RALGPS1: variants seen among roughly 807,000 people sequenced by gnomAD.
RALGPS1 encodes ras-specific guanine nucleotide-releasing factor RalGPS1.
Under a neutral mutation model 78.8 loss-of-function variants are expected in RALGPS1, and 19 were observed. The ratio of observed to expected loss-of-function variants is 0.24; its 90% confidence interval spans 0.17 to 0.35. The LOEUF is 0.35. Among genes scored for constraint, RALGPS1 ranks in the 10% least tolerant of loss-of-function variants. The pLI is 1.00. For synonymous variants in RALGPS1, 228 were observed against 256.3 expected, an observed-to-expected ratio of 0.89 and a Z score of 1.06; for missense variants, 454 against 688.3, an observed-to-expected ratio of 0.66 and a Z score of 3.81.
At position 127,222,161 on chromosome 9, in the gene RALGPS1, A is replaced by G. The variant is rs1168865095; in HGVS notation, c.*3392A>G. ...CAAGTCAGATCTGATCCCTGCCCTC[A>G]TGGACCTGACCACTCAACAAACAGT... On this transcript the variant is annotated 3_prime_UTR_variant, in exon 19 of 19. Coordinates refer to ENST00000259351, the MANE Select transcript of RALGPS1 (RefSeq NM_014636.3). 6.6e-6 allele frequency: 1 copy of G among 152,244 alleles called. No homozygotes were observed. The highest frequency in any genetic ancestry group is 1.5e-5 in the Non-Finnish European group (1 of 68,074). The allele number at this position is 152,244 out of a possible 1,614,324, so 9.4% of individuals were successfully genotyped here. A position where few individuals can be genotyped will look rare whatever the true frequency, so the allele number is the denominator to read the frequency against.
intron 1 of RALGPS1, among the ~76,000 whole-genome samples, chr9:126,924,536 T>C (rs1210729419): frequency 6.6e-6 from 1 of 152,220 alleles, no homozygotes; most frequent in African/African-American, 2.4e-5. Flanking sequence ...CCATTTGCTT[T>C]GAGACTCCCA....
At chr9:127,066,624 G>A (rs1400337240) in intron 7 of RALGPS1, among the ~76,000 whole-genome samples, 1 of 152,188 alleles carries the variant, frequency 6.6e-6, no homozygotes, top group African/African-American at 2.4e-5. Context: ...CTGGGAGACA[G>A]AGTGAGACTC....
intron 4 of RALGPS1, among the ~76,000 whole-genome samples, chr9:127,033,668 G>A (rs1185800541): frequency 6.6e-6 from 1 of 152,148 alleles, no homozygotes; most frequent in African/African-American, 2.4e-5. Context: ...TGAGAATGCT[G>A]GGCATTTGGA....
chr9:127,110,438 A>C (rs1001488134), intron 8 of RALGPS1, among the ~76,000 whole-genome samples: 1 of 152,136 alleles, frequency 6.6e-6, no homozygotes, highest in African/African-American at 2.4e-5. Flanking sequence ...GGGGACCCAA[A>C]ACTCAGTCCT....
chr9:127,052,726 C>T, intron 6 of RALGPS1, 121 bp from the exon 7 acceptor site: 5 of 669,630 alleles, frequency 7.5e-6, no homozygotes, highest in Non-Finnish European at 1.3e-5. Context: ...ACTATGTTTT[C>T]CACATGAGAT....
chr9:126,960,237 CTTCCTT>C (rs2038775070), intron 1 of RALGPS1, among the ~76,000 whole-genome samples: 1 of 64,666 alleles, frequency 1.5e-5, no homozygotes, highest in East Asian at 1.1e-3. Flanking sequence ...TCCTTCCTTT[CTTCCTT>C]TTTTTTTTTT....
chr9:127,174,289 GAGAA>G (rs991213828), intron 10 of RALGPS1, among the ~76,000 whole-genome samples: 23 of 122,126 alleles, frequency 1.9e-4, no homozygotes, highest in Middle Eastern at 3.6e-3. Context: ...AAGAAAGAAA[GAGAA>G]AGAAAGAGAA....
intron 5 of RALGPS1, among the ~76,000 whole-genome samples, chr9:127,046,512 T>G (rs967456355): frequency 1.3e-5 from 2 of 152,142 alleles, no homozygotes; most frequent in African/African-American, 2.4e-5. Context: ...ATGTTATTGA[T>G]TTCGATTCCT....
intron 4 of RALGPS1, among the ~76,000 whole-genome samples, chr9:127,015,971 C>T (rs1285755962): frequency 6.6e-6 from 1 of 151,932 alleles, no homozygotes; most frequent in Non-Finnish European, 1.5e-5. Flanking sequence ...TTTCTTTCTT[C>T]CTTTCCTTTC....
chr9:127,214,497 G>T (rs780093308), intron 17 of RALGPS1, among the ~76,000 whole-genome samples: 6 of 152,134 alleles, frequency 3.9e-5, no homozygotes, highest in Non-Finnish European at 7.3e-5. Context: ...TATACATTTG[G>T]AAACATTATT....
At chr9:127,063,986 C>T (rs1253381055) in intron 7 of RALGPS1, among the ~76,000 whole-genome samples, 5 of 152,174 alleles carry the variant, frequency 3.3e-5, no homozygotes, top group African/African-American at 1.2e-4. Flanking sequence ...ATGCAGGGAA[C>T]AGTAGAGTGG....
In RALGPS1 at chr9:127,122,215, A is replaced by G. The variant is rs1359445547; in HGVS notation, c.611-43854A>G. Reference sequence around the variant, plus strand: ...GTGACCCTCTGAGATCCAGCAGCACACACCCCCAGCTGGAGGGTCAGGGTT... The same window carrying G: ...GTGACCCTCTGAGATCCAGCAGCACGCACCCCCAGCTGGAGGGTCAGGGTT... On this transcript the variant is annotated intron_variant, in intron 8 of 18. Coordinates refer to ENST00000259351, the MANE Select transcript of RALGPS1 (RefSeq NM_014636.3). The surrounding 1 kb of genome is among the most constrained non-coding windows in gnomAD (Gnocchi z 6.4). 1.3e-5 allele frequency: 2 copies of G among 152,192 alleles called. No homozygotes were observed. The highest frequency in any genetic ancestry group is 2.9e-5 in the Non-Finnish European group (2 of 68,114). 9.4% of individuals were successfully genotyped at this position (152,192 alleles called of 1,614,324 possible).
intron 8 of RALGPS1, among the ~76,000 whole-genome samples, chr9:127,076,166 C>G (rs919957250): frequency 6.6e-6 from 1 of 152,172 alleles, no homozygotes; most frequent in East Asian, 1.9e-4. Flanking sequence ...TGCAAATACC[C>G]GGTTAGATTG....
rs879862520 is a variant in RALGPS1 at position 126,942,287 on chromosome 9, C to CT, written c.-65-19927dup. On this transcript the variant is annotated intron_variant, in intron 1 of 18. Coordinates refer to ENST00000259351, the MANE Select transcript of RALGPS1 (RefSeq NM_014636.3). ...TCTGGCTTTTGTATCACTCTTAGGA[C>CT]TTTTTTTTTTTACCTCCAAATTATT... 9.5e-3 allele frequency among the ~76,000 whole-genome samples: 1,373 copies of CT among 145,172 alleles called. 3 individuals are homozygous for CT. The highest frequency in any genetic ancestry group is 0.012 in the Non-Finnish European group (797 of 65,770).
intron 4 of RALGPS1, among the ~76,000 whole-genome samples, chr9:127,014,532 A>T (rs1294707527): frequency 6.6e-6 from 1 of 152,154 alleles, no homozygotes; most frequent in Non-Finnish European, 1.5e-5. Context: ...GTTAACTGGG[A>T]TGGGGGAGAA....
chr9:127,218,676 A>C lies in RALGPS1; in HGVS notation c.1645-64A>C. On this transcript the variant is annotated intron_variant, in intron 18 of 18. Transcript: ENST00000259351. This position sits in a 1 kb window ranked among gnomAD's most constrained non-coding sequence, Gnocchi z 4.4. Reference sequence around the variant, plus strand: ...GAAAGGCCTGTCCCTTCCCCTAGGGACCACCACCCCTTGTCCTTCTCTGAG... The same window carrying C: ...GAAAGGCCTGTCCCTTCCCCTAGGGCCCACCACCCCTTGTCCTTCTCTGAG... 306 of 1,535,512 alleles carry C rather than the reference A, an allele frequency of 2.0e-4. No homozygotes were observed. Among genetic ancestry groups the C allele is most frequent in the Middle Eastern group, 5.1e-4 (3 of 5,910 alleles).
At chr9:127,104,993 CAG>C (rs2054081046) in intron 8 of RALGPS1, among the ~76,000 whole-genome samples, 3 of 152,142 alleles carry the variant, frequency 2.0e-5, no homozygotes, top group African/African-American at 2.4e-5. Flanking sequence ...CTGTTCCGTG[CAG>C]AGAGACCATC....
At chr9:127,157,302 T>G (rs1195522486) in intron 8 of RALGPS1, among the ~76,000 whole-genome samples, 1 of 152,110 alleles carries the variant, frequency 6.6e-6, no homozygotes, top group Admixed American at 6.5e-5. Context: ...CTTACTTATT[T>G]ACATCTTCTT....
Position 127,183,038 on chromosome 9 carries a change from G to C in RALGPS1, c.910+8256G>C, listed in dbSNP as rs1270468038. On this transcript the variant is annotated intron_variant, in intron 11 of 18. Transcript: ENST00000259351. The surrounding 1 kb of genome is among the most constrained non-coding windows in gnomAD (Gnocchi z 4.0). Reference sequence around the variant, plus strand: ...GTGAGAGCAGAAGCAAGAGATTCAGGGGTGAGGAGAGGCAAGTTCCCAGAC... The same window carrying C: ...GTGAGAGCAGAAGCAAGAGATTCAGCGGTGAGGAGAGGCAAGTTCCCAGAC... Among the ~76,000 whole-genome samples, 1 of 152,080 alleles carries C rather than the reference G, an allele frequency of 6.6e-6. No individual in the cohort carries two copies. The highest frequency in any genetic ancestry group is 1.9e-4 in the East Asian group (1 of 5,194).
Sources: allele counts gnomAD v4.1 joint callset (sites outside exome capture counted in the v4.1 genomes callset), GRCh38; gene constraint gnomAD v4.1.1; non-coding constraint Gnocchi (gnomAD v3.1); transcripts MANE v1.5; gene names NCBI Gene and HGNC (gene_info 2026-07-23, HGNC 2026-07-21).